The following BBOF1 variants were observed in gnomAD, a reference collection of about 807,000 sequenced individuals.
BBOF1 encodes basal body-orientation factor 1.
Under a neutral mutation model 68.0 loss-of-function variants are expected in BBOF1, and 62 were observed. That is an observed-to-expected ratio of 0.91 (90% confidence interval 0.74 to 1.13). The LOEUF (loss-of-function observed/expected upper bound fraction) is 1.13. Among genes scored for constraint, BBOF1 ranks in the 50% most tolerant of loss-of-function variants. BBOF1 has a pLI of 0.00. For synonymous variants in BBOF1, 208 were observed against 198.8 expected, an observed-to-expected ratio of 1.05 and a Z score of -0.39; for missense variants, 534 against 600.1, an observed-to-expected ratio of 0.89 and a Z score of 1.15.
At chr14:74,080,368 C>CTTTTTT (rs35450547) in intron 10 of BBOF1, among the ~76,000 whole-genome samples, 3 of 128,994 alleles carry the variant, frequency 2.3e-5, no homozygotes, top group African/African-American at 6.0e-5. Flanking sequence ...TAAACTCTTT[C>CTTTTTT]TTTTTTTTTT....
intron 9 of BBOF1, chr14:74,071,531 C>T: frequency 6.2e-7 from 1 of 1,612,974 alleles, no homozygotes; most frequent in Non-Finnish European, 8.5e-7. Context: ...CAGCTCTCCA[C>T]ACTGTGTACT....
intron 8 of BBOF1, chr14:74,055,306 G>C (rs2060169298): frequency 3.1e-6 from 1 of 317,900 alleles, no homozygotes. Flanking sequence ...CTGCCACCAT[G>C]CCCAGCTAAT....
intron 2 of BBOF1, among the ~76,000 whole-genome samples, chr14:74,024,597 T>C (rs996197023): frequency 1.3e-5 from 2 of 152,134 alleles, no homozygotes; most frequent in Non-Finnish European, 2.9e-5. Flanking sequence ...TCCAAGTAGC[T>C]GGGACTACAG....
rs992509975 is a variant in BBOF1 at position 74,064,710 on chromosome 14, T to A, written c.*11T>A. 4.3e-6 allele frequency: 7 copies of A among 1,613,952 alleles called. No individual in the cohort carries two copies. In the Admixed American group the frequency reaches 8.3e-5, roughly 19 times the overall value. On this transcript the variant is annotated 3_prime_UTR_variant, in exon 12 of 12. Transcript: ENST00000394009. ...TAGGGAACCTTCTGAGAAGCACTGA[T>A]TATGACCTCACAGATGCTGCTGGCA...
chr14:74,073,149 C>T (rs2060573159), intron 9 of BBOF1, among the ~76,000 whole-genome samples: 1 of 151,698 alleles, frequency 6.6e-6, no homozygotes. Flanking sequence ...CTCTGTTGCC[C>T]AGGCTGGAGT....
intron 4 of BBOF1, among the ~76,000 whole-genome samples, chr14:74,037,328 T>G (rs1406413880): frequency 1.3e-4 from 16 of 126,036 alleles, no homozygotes; most frequent in South Asian, 2.7e-4. Context: ...GTCTCGCTCT[T>G]TTACCCAGGC....
In BBOF1 at chr14:74,035,584, A is replaced by ATTTTTTT. The variant is rs71460945; in HGVS notation, c.495+1435_495+1441dup. Among the ~76,000 whole-genome samples the ATTTTTTT allele has an allele frequency of 4.3e-4, 35 of 81,386 alleles. 2 individuals carry two copies. The highest frequency in any genetic ancestry group is 1.7e-3 in the South Asian group (3 of 1,798). 53.4% of individuals were successfully genotyped at this position (81,386 alleles called of 152,430 possible). On this transcript the variant is annotated intron_variant, in intron 4 of 11. Coordinates refer to ENST00000394009, the MANE Select transcript of BBOF1 (RefSeq NM_025057.3). Reference sequence around the variant, plus strand: ...AGGCGTGCACCACCACCCCCAGCTAATTTTTTTTTTTTTTTTTTTTTTTTT... The same window carrying ATTTTTTT: ...AGGCGTGCACCACCACCCCCAGCTAATTTTTTTTTTTTTTTTTTTTTTTTTTTTTTTT...
chr14:74,081,305 A>G (rs1430350565), intron 12 of BBOF1: 2 of 152,232 alleles, frequency 1.3e-5, no homozygotes, highest in African/African-American at 4.8e-5. Context: ...ATTTTGCACA[A>G]TGAAAGAATG....
At chr14:74,028,493 C>A (rs1277658965) in intron 2 of BBOF1, among the ~76,000 whole-genome samples, 3 of 126,184 alleles carry the variant, frequency 2.4e-5, no homozygotes, top group Non-Finnish European at 5.0e-5. Flanking sequence ...CACACACACA[C>A]ACACACACAC....
chr14:74,051,337 C>G (rs974376252), intron 8 of BBOF1, among the ~76,000 whole-genome samples: 2 of 151,614 alleles, frequency 1.3e-5, no homozygotes, highest in African/African-American at 4.9e-5. Context: ...CGCTTGAACC[C>G]AGGAGGCAGA....
rs1247966907 is a variant in BBOF1, at chr14:74,055,647, G to A, written c.1350G>A (p.Leu450=). ...CCTGGGAGCAGAAGGAAAAAGTATT[G>A]CGATTGCTCTTTGCAAAAATGAATG... ...DLTWEQKEKV[L]RLLFAKMNGC... is the part of the protein sequence containing the mutation. The change falls in exon 9 of 12, where the codon TTG becomes TTA. Residue 450 remains leucine, a synonymous_variant. Transcript: ENST00000394009. 2.5e-6 allele frequency: 4 copies of A among 1,613,842 alleles called. No individual in the cohort carries two copies. Among genetic ancestry groups the A allele is most frequent in the Non-Finnish European group, 3.4e-6 (4 of 1,179,928 alleles).
chr14:74,024,362 G>A (rs57953007), intron 2 of BBOF1, among the ~76,000 whole-genome samples: 20,794 of 152,100 alleles, frequency 0.14, 2,004 homozygotes, highest in East Asian at 0.57. Flanking sequence ...AGGCTAAGGC[G>A]GGAGGATCAC....
At chr14:74,047,630 G>T (rs1425742860) in intron 6 of BBOF1, among the ~76,000 whole-genome samples, 7 of 151,732 alleles carry the variant, frequency 4.6e-5, no homozygotes, top group Non-Finnish European at 4.4e-5. Context: ...GTAGAGATTG[G>T]GTCTCACTAT....
intron 9 of BBOF1, 140 bp from the exon 10 acceptor site, chr14:74,056,766 C>T (rs1388381285): frequency 1.6e-6 from 1 of 633,018 alleles, no homozygotes; most frequent in East Asian, 2.8e-5. Context: ...CAAAACATCT[C>T]ACGTACCCCA....
At chr14:74,072,532 C>G in intron 9 of BBOF1, 1 of 1,614,142 alleles carries the variant, frequency 6.2e-7, no homozygotes, top group Non-Finnish European at 8.5e-7. Flanking sequence ...AGCAGCTTCG[C>G]TTACTGGGTT....
chr14:74,071,755 C>A (rs1202750076), intron 9 of BBOF1: 1 of 1,436,198 alleles, frequency 7.0e-7, no homozygotes, highest in African/African-American at 1.4e-5. Flanking sequence ...CTGAATACTG[C>A]CATTTTTCAC....
chr14:74,024,822 C>T (rs1296771854), intron 2 of BBOF1, among the ~76,000 whole-genome samples: 1 of 151,970 alleles, frequency 6.6e-6, no homozygotes, highest in South Asian at 2.1e-4. Flanking sequence ...AGGCTAGCCT[C>T]GAACTCCTGG....
At chr14:74,079,407 C>A (rs945149513) in intron 10 of BBOF1, among the ~76,000 whole-genome samples, 1 of 150,868 alleles carries the variant, frequency 6.6e-6, no homozygotes, top group Non-Finnish European at 1.5e-5. Context: ...CCACCACACC[C>A]GGCTAATTTT....
intron 6 of BBOF1, among the ~76,000 whole-genome samples, 191 bp downstream of exon 6, chr14:74,046,321 C>G (rs1205647109): frequency 6.6e-6 from 1 of 152,144 alleles, no homozygotes; most frequent in Non-Finnish European, 1.5e-5. Flanking sequence ...CTTTCTGTGG[C>G]AGCATTGTGT....
Sources: gnomAD v4.1 joint callset for allele counts (sites outside exome capture counted in the v4.1 genomes callset) on GRCh38, gnomAD v4.1.1 for gene constraint, MANE v1.5 for transcripts, NCBI Gene and HGNC (gene_info 2026-07-23, HGNC 2026-07-21) for gene names.